The following ITGAX variants were observed in gnomAD, a reference collection of about 807,000 sequenced individuals.
ITGAX encodes the protein integrin subunit alpha X, also known as integrin alpha-X.
Under a neutral mutation model 140.2 loss-of-function variants are expected in ITGAX, and 99 were observed. The ratio of observed to expected loss-of-function variants is 0.71; its 90% CI spans 0.60 to 0.83. ITGAX has a LOEUF of 0.83. Among genes scored for constraint, ITGAX ranks in the 40% least tolerant of loss-of-function variants. ITGAX has a pLI of 0.00. For synonymous variants in ITGAX, 631 were observed against 600.4 expected, an observed-to-expected ratio of 1.05 and a Z score of -0.75; for missense variants, 1,444 against 1,482.0, an observed-to-expected ratio of 0.97 and a Z score of 0.42.
chr16:31,360,492 C>G, intron 8 of ITGAX, 29 bp downstream of exon 8: 4 of 1,575,846 alleles, frequency 2.5e-6, no homozygotes, highest in Non-Finnish European at 3.4e-6. Context: ...TCCCACTTCT[C>G]CCACGGCTTC....
In ITGAX at chr16:31,376,922, C is replaced by T. The variant is rs2081024741; in HGVS notation, c.2625+7C>T. ...CTTCCGTGGCGGCGCCCAGGTCAGC[C>T]TGGCTTCTGTCCCCTCACTGCTCCC... On this transcript the variant is annotated splice_region_variant and intron_variant, in intron 21 of 29. Coordinates refer to ENST00000268296, the MANE Select transcript of ITGAX (RefSeq NM_000887.5). 6.2e-7 allele frequency: 1 copy of T among 1,614,042 alleles called. No individual in the cohort carries two copies. The highest frequency in any genetic ancestry group is 1.7e-5 in the Admixed American group (1 of 60,006).
chr16:31,359,478 T>C (rs553514212), intron 5 of ITGAX, among the ~76,000 whole-genome samples: 100 of 152,280 alleles, frequency 6.6e-4, no homozygotes, highest in African/African-American at 2.3e-3. Context: ...ACAGCCTCTT[T>C]AGGCAACTTT....
In ITGAX at chr16:31,371,405, A is replaced by G. The variant is rs763398190; in HGVS notation, c.1913A>G (p.Glu638Gly). Reference protein sequence around the residue: ...IPAEIPRSAFECREQVVSEQT... With the variant: ...IPAEIPRSAFGCREQVVSEQT... ...GCCGAGATCCCCAGGTCTGCGTTTG[A>G]GTGTCGGGAGCAGGTGGTCTCTGAG... is the stretch of plus-strand genomic sequence containing the variant. The change falls in exon 16 of 30, where the codon GAG becomes GGG. Residue 638 changes from glutamate to glycine, a missense_variant. Coordinates refer to ENST00000268296, the MANE Select transcript of ITGAX (RefSeq NM_000887.5). 2 of 1,614,122 alleles carry G rather than the reference A, an allele frequency of 1.2e-6. No homozygotes were observed. The highest frequency in any genetic ancestry group is 2.2e-5 in the East Asian group (1 of 44,876).
Position 31,377,138 on chromosome 16 carries a change from C to T in ITGAX, c.2706-44C>T, listed in dbSNP as rs769472603. The T allele has an allele frequency of 7.5e-6, 12 of 1,610,682 alleles. No individual in the cohort carries two copies. The South Asian group carries it at 1.3e-4, about 18-fold the overall frequency. ...ATCTCCAGCCTCACACCCCATTCTC[C>T]TCCTCTGGGGCCTCTGGCAACTGAG... On this transcript the variant is annotated intron_variant, in intron 22 of 29. Transcript: ENST00000268296.
In ITGAX at chr16:31,362,187, T is replaced by A; in HGVS notation, c.1199T>A (p.Met400Lys). Residue 400 changes from methionine (M) to lysine (K), a missense_variant, in exon 11 of 30, where the codon ATG becomes AAG. Coordinates refer to ENST00000268296, the MANE Select transcript of ITGAX (RefSeq NM_000887.5). Reference sequence around the variant, plus strand: ...AACATGTCTCAGGAGAATGTGGACATGAGGGACTCTTACCTGGGTGAGAAA... The same window carrying A: ...AACATGTCTCAGGAGAATGTGGACAAGAGGGACTCTTACCTGGGTGAGAAA... ...FINMSQENVD[M>K]RDSYLGYSTE... 1 of 1,613,782 alleles carries A rather than the reference T, an allele frequency of 6.2e-7. No homozygotes were observed. The highest frequency in any genetic ancestry group is 1.1e-5 in the South Asian group (1 of 91,076).
rs539418003 is a variant in ITGAX, at chr16:31,371,923, G to A, written c.2160+139G>A. The A allele has an allele frequency of 3.3e-4, 325 of 986,344 alleles. 3 individuals are homozygous for A. The South Asian group carries it at 4.7e-3, about 14-fold the overall frequency. 61.1% of individuals were successfully genotyped at this position (986,344 alleles called of 1,614,324 possible). On this transcript the variant is annotated intron_variant, in intron 17 of 29. Transcript: ENST00000268296. ...GCCATGCAGGACGTGCTTACTGCAC[G>A]TTAGCCAGTGAGTGAGTGAGCGAGC... is the stretch of plus-strand genomic sequence containing the variant.
At chr16:31,361,971 GGTGGGT>G in intron 10 of ITGAX, 62 bp downstream of exon 10, 1 of 1,612,644 alleles carries the variant, frequency 6.2e-7, no homozygotes, top group South Asian at 1.1e-5. Flanking sequence ...GGAAGGCCAG[GGTGGGT>G]GTCAGGTGGG....
chr16:31,363,029 A>T lies in ITGAX; in HGVS notation c.1454A>T (p.Glu485Val), dbSNP rs1475516597. 6.4e-7 allele frequency: 1 copy of T among 1,556,258 alleles called. No individual in the cohort carries two copies. The highest frequency in any genetic ancestry group is 8.7e-7 in the Non-Finnish European group (1 of 1,149,912). Residue 485 changes from glutamate (E) to valine (V), a missense_variant, in exon 13 of 30, where the codon GAG (glutamate) becomes GTG (valine). Transcript: ENST00000268296. ...CTCATCGGGGCCCCCCATTACTACG[A>T]GCAGACCCGAGGGGGCCAGGTGTCT... ...LVLIGAPHYYEQTRGGQVSVC... is the reference protein window; with the variant it reads ...LVLIGAPHYYVQTRGGQVSVC...
chr16:31,357,462 AGGGATCTGG>A, intron 5 of ITGAX, 98 bp downstream of exon 5: 1 of 757,826 alleles, frequency 1.3e-6, no homozygotes, highest in Admixed American at 2.8e-5. Context: ...ATCAGAAAGA[AGGGATCTGG>A]AAAAAGAGTT....
chr16:31,374,782 T>C (rs1276641591), intron 20 of ITGAX, among the ~76,000 whole-genome samples: 1 of 152,228 alleles, frequency 6.6e-6, no homozygotes, highest in Non-Finnish European at 1.5e-5. Context: ...ATGGGGGTCA[T>C]TGTACTCCTC....
chr16:31,359,566 A>C, intron 5 of ITGAX, 134 bp from the exon 6 acceptor site: 1 of 981,054 alleles, frequency 1.0e-6, no homozygotes, highest in Non-Finnish European at 1.5e-6. Flanking sequence ...CAGGGTGTGG[A>C]GCCTGACTCC....
rs780407687 is a variant in ITGAX, at chr16:31,362,640, G to A, written c.1246G>A (p.Gly416Arg). Residue 416 changes from glycine to arginine, a missense_variant, in exon 12 of 30, where the codon GGG becomes AGG. Transcript: ENST00000268296. The stretch of plus-strand genomic sequence containing the variant: ...CTCCACCGAGCTGGCCCTCTGGAAA[G>A]GGGTGCAGAGCCTGGTCCTGGGGGC... The part of the protein sequence containing the change: ...GYSTELALWK[G>R]VQSLVLGAPR... 1.2e-6 allele frequency: 2 copies of A among 1,612,958 alleles called. No homozygotes were observed. The highest frequency in any genetic ancestry group is 1.7e-6 in the Non-Finnish European group (2 of 1,179,634).
rs1447450227 is a variant in ITGAX, at chr16:31,380,561, A to T, written c.3213A>T (p.Glu1071Asp). 9 of 1,614,234 alleles carry T rather than the reference A, an allele frequency of 5.6e-6. No individual in the cohort carries two copies. The South Asian group carries it at 9.9e-5, about 18-fold the overall frequency. The change falls in exon 28 of 30, where the codon GAA becomes GAT. Residue 1071 changes from glutamate (E) to aspartate (D), a missense_variant. By Grantham distance (45) the Glu-to-Asp change is conservative (BLOSUM62 2). Coordinates refer to ENST00000268296, the MANE Select transcript of ITGAX (RefSeq NM_000887.5). ...QKKVSVVSVA[E>D]ITFDTSVYSQ... ...AGGTGTCGGTCGTGAGTGTGGCTGA[A>T]ATTACGTTCGACACATCCGTGTACT...
At chr16:31,368,302 T>C (rs1229743947) in intron 14 of ITGAX, among the ~76,000 whole-genome samples, 3 of 151,918 alleles carry the variant, frequency 2.0e-5, no homozygotes, top group Non-Finnish European at 4.4e-5. Flanking sequence ...AAGACCAGCC[T>C]GGCCTACATA....
In ITGAX at chr16:31,380,264, A is replaced by G; in HGVS notation, c.3061-2A>G. 6.2e-7 allele frequency: 1 copy of G among 1,613,630 alleles called. No individual in the cohort carries two copies. Among genetic ancestry groups the G allele is most frequent in the South Asian group, 1.1e-5 (1 of 90,974 alleles). ...AGCCCCATGCTATTTATCTGCCCCC[A>G]GGACTGCTCCATTGCTGGCTGCCTG... On this transcript the variant is annotated splice_acceptor_variant, in intron 26 of 29. Transcript: ENST00000268296. LOFTEE classifies it high-confidence loss of function.
In ITGAX at chr16:31,362,672, C is replaced by T. The variant is rs772934867; in HGVS notation, c.1278C>T (p.Arg426=). ...GVQSLVLGAP[R]YQHTGKAVIF... is the part of the protein sequence containing the mutation. ...AGAGCCTGGTCCTGGGGGCCCCCCG[C>T]TACCAGCACACCGGGAAGGCTGTCA... Residue 426 remains arginine (R), a synonymous_variant, in exon 12 of 30, where the codon CGC becomes CGT. Coordinates refer to ENST00000268296, the MANE Select transcript of ITGAX (RefSeq NM_000887.5). 1 of 1,613,766 alleles carries T rather than the reference C, an allele frequency of 6.2e-7. No homozygotes were observed. The highest frequency in any genetic ancestry group is 1.1e-5 in the South Asian group (1 of 91,078).
Position 31,381,940 on chromosome 16 carries a change from C to T in ITGAX, c.*33C>T, listed in dbSNP as rs750555331. 4.2e-5 allele frequency: 48 copies of T among 1,140,872 alleles called. No individual in the cohort carries two copies. The highest frequency in any genetic ancestry group is 5.3e-5 in the Non-Finnish European group (40 of 749,218). 70.7% of individuals were successfully genotyped at this position (1,140,872 alleles called of 1,614,324 possible). A position where few individuals can be genotyped will look rare whatever the true frequency, so the allele number is the denominator to read the frequency against. ...TTTGCCTTGGACTTCTTCTCCCCCG[C>T]GAGTTTTCCCCACTTACTTACCCTC... is the stretch of plus-strand genomic sequence containing the variant. On this transcript the variant is annotated 3_prime_UTR_variant, in exon 30 of 30. Coordinates refer to ENST00000268296, the MANE Select transcript of ITGAX (RefSeq NM_000887.5).
Position 31,373,302 on chromosome 16 carries a change from T to C in ITGAX, c.2420T>C (p.Val807Ala), listed in dbSNP as rs762818402. The part of the protein sequence containing the change: ...SNLELNAEVM[V>A]WNDGEDSYGT... Reference sequence around the variant, plus strand: ...CTGGAGCTGAACGCAGAAGTGATGGTGTGGAATGACGGGGAAGACTCCTAC... The same window carrying C: ...CTGGAGCTGAACGCAGAAGTGATGGCGTGGAATGACGGGGAAGACTCCTAC... The change falls in exon 20 of 30, where the codon GTG becomes GCG. Residue 807 changes from valine (V) to alanine (A), a missense_variant. By Grantham distance (64) the Val-to-Ala change is moderately conservative (BLOSUM62 0). Transcript: ENST00000268296. 1 of 1,613,796 alleles carries C rather than the reference T, an allele frequency of 6.2e-7. No homozygotes were observed. Among genetic ancestry groups the C allele is most frequent in the Non-Finnish European group, 8.5e-7 (1 of 1,179,954 alleles).
intron 14 of ITGAX, among the ~76,000 whole-genome samples, chr16:31,368,037 C>T (rs1034293155): frequency 3.3e-5 from 5 of 151,832 alleles, no homozygotes; most frequent in African/African-American, 7.3e-5. Flanking sequence ...GAAGTGATTG[C>T]GGATGTGTGG....
Sources: gnomAD v4.1 joint callset for allele counts (sites outside exome capture counted in the v4.1 genomes callset) on GRCh38, gnomAD v4.1.1 for gene constraint, MANE v1.5 for transcripts, NCBI Gene and HGNC (gene_info 2026-07-23, HGNC 2026-07-21) for gene names.